The following COL5A3 variants were observed in gnomAD, a reference collection of about 807,000 sequenced individuals.
COL5A3 encodes the protein collagen alpha-3(V) chain.
A neutral mutation model predicts 250.0 loss-of-function variants in COL5A3; 172 were observed. The ratio of observed to expected loss-of-function variants is 0.69; its 90% CI spans 0.61 to 0.78. The LOEUF (loss-of-function observed/expected upper bound fraction) is 0.78. COL5A3 is among the 30% of genes least tolerant of loss of function. COL5A3 has a pLI of 0.00. For synonymous variants in COL5A3, 937 were observed against 900.4 expected (o/e 1.04, Z -0.73); for missense variants, 2,340 against 2,334.4 (o/e 1.00, Z -0.05).
chr19:9,964,719 AG>A (rs2086714012), intron 64 of COL5A3, among the ~76,000 whole-genome samples: 1 of 151,898 alleles, frequency 6.6e-6, no homozygotes, highest in Non-Finnish European at 1.5e-5. Flanking sequence ...ACATGTAGTC[AG>A]GGTTTAGTAA....
rs774250010 is a variant in COL5A3, at chr19:9,970,631, G to T, written c.3927C>A (p.Pro1309=). Reference sequence around the variant, plus strand: ...GTGGCTTATCACTTACCCTCTTGCCGGGGGGCCCGGGGGCGCCGGGCTCCC... The same window carrying T: ...GTGGCTTATCACTTACCCTCTTGCCTGGGGGCCCGGGGGCGCCGGGCTCCC... ...ASGEPGAPGP[P]GKRGPSGHMG... is the part of the protein sequence containing the mutation. Residue 1309 remains proline, a synonymous_variant, in exon 54 of 67, where the codon CCC becomes CCA. Transcript: ENST00000264828. The T allele has an allele frequency of 6.9e-7, 1 of 1,444,282 alleles. No individual in the cohort carries two copies. The highest frequency in any genetic ancestry group is 2.6e-5 in the East Asian group (1 of 38,064). 89.5% of individuals were successfully genotyped at this position (1,444,282 alleles called of 1,614,324 possible). A position where few individuals can be genotyped will look rare whatever the true frequency, so the allele number is the denominator to read the frequency against.
intron 27 of COL5A3, among the ~76,000 whole-genome samples, chr19:9,987,275 C>T (rs987158080): frequency 6.6e-6 from 1 of 152,190 alleles, no homozygotes. Flanking sequence ...GGATACAATA[C>T]AGCCCATGTG....
chr19:10,008,581 C>T (rs975970117), intron 1 of COL5A3, among the ~76,000 whole-genome samples: 2 of 151,996 alleles, frequency 1.3e-5, no homozygotes, highest in African/African-American at 4.8e-5. Context: ...TGGCTGGGAA[C>T]CCCCCAGGTG....
chr19:9,974,195 C>T lies in COL5A3; in HGVS notation c.3480G>A (p.Gly1160=). ...QGLPGPPGEK[G]EVGDVGSMGP... ...CCATGGACCCGACGTCTCCGACCTC[C>T]CCTTTCTCTCCCGGAGGGCCTGGCA... Residue 1160 remains glycine, a synonymous_variant, in exon 47 of 67, where the codon GGG becomes GGA. Transcript: ENST00000264828. 2 of 1,614,056 alleles carry T rather than the reference C, an allele frequency of 1.2e-6. No homozygotes were observed. Among genetic ancestry groups the T allele is most frequent in the South Asian group, 1.1e-5 (1 of 91,054 alleles).
chr19:9,960,846 C>G lies in COL5A3; in HGVS notation c.4896G>C (p.Gln1632His). 1 of 1,611,602 alleles carries G rather than the reference C, an allele frequency of 6.2e-7. No homozygotes were observed. The highest frequency in any genetic ancestry group is 8.5e-7 in the Non-Finnish European group (1 of 1,180,012). The change falls in exon 66 of 67, where the codon CAG becomes CAC. Residue 1632 changes from glutamine (Q) to histidine (H), a missense_variant. By Grantham distance (24) the Gln-to-His change is conservative (BLOSUM62 0). Coordinates refer to ENST00000264828, the MANE Select transcript of COL5A3 (RefSeq NM_015719.4). ...DADGSPVNVV[Q>H]LNFLKLLSAT... is the part of the protein sequence containing the mutation. Reference sequence around the variant, plus strand: ...CACTCAGCAGTTTCAGGAAGTTCAGCTGCACGACATTCACTGGGGACCCGT... The same window carrying G: ...CACTCAGCAGTTTCAGGAAGTTCAGGTGCACGACATTCACTGGGGACCCGT...
intron 8 of COL5A3, among the ~76,000 whole-genome samples, chr19:9,999,991 C>T (rs1198063275): frequency 2.0e-5 from 3 of 152,214 alleles, no homozygotes; most frequent in Admixed American, 2.0e-4. Context: ...CTCTTGGGCT[C>T]AGGTGATCTT....
At position 9,967,353 on chromosome 19, in the gene COL5A3, G is replaced by T; in HGVS notation, c.4452C>A (p.Gly1484=). The change falls in exon 62 of 67, where the codon GGC becomes GGA. Residue 1484 remains glycine (G), a synonymous_variant. Transcript: ENST00000264828. The part of the protein sequence containing the change: ...RGDTGPAGPP[G]PPGAPAELHG... ...CGCCCCCCGGGGAACTCACCGGGGG[G>T]CCTGGTGGGCCTGCAGGTCCAGTGT... 1 of 1,443,136 alleles carries T rather than the reference G, an allele frequency of 6.9e-7. No homozygotes were observed. Among genetic ancestry groups the T allele is most frequent in the Non-Finnish European group, 9.1e-7 (1 of 1,104,006 alleles). The allele number at this position is 1,443,136 out of a possible 1,614,324, so 89.4% of individuals were successfully genotyped here. A position where few individuals can be genotyped will look rare whatever the true frequency, so the allele number is the denominator to read the frequency against.
rs767677757 is a variant in COL5A3 at position 10,006,026 on chromosome 19, C to T, written c.248-41G>A. On this transcript the variant is annotated intron_variant, in intron 2 of 66. Coordinates refer to ENST00000264828, the MANE Select transcript of COL5A3 (RefSeq NM_015719.4). ...GAACAAGGCAGCTCAGAGGGCCCAG[C>T]AGTGCCTCCCTCCGGGGAGGTACCC... is the stretch of plus-strand genomic sequence containing the variant. 5.6e-6 allele frequency: 9 copies of T among 1,610,952 alleles called. No individual in the cohort carries two copies. The South Asian group carries it at 7.7e-5, about 14-fold the overall frequency.
At chr19:9,987,517 G>T (rs895906161) in intron 27 of COL5A3, among the ~76,000 whole-genome samples, 13 of 152,008 alleles carry the variant, frequency 8.6e-5, no homozygotes, top group African/African-American at 2.9e-4. Context: ...CTGGAGGATT[G>T]CTTGAGCCCA....
chr19:9,977,338 G>T (rs1432236187), intron 43 of COL5A3, 27 bp downstream of exon 43: 1 of 1,612,130 alleles, frequency 6.2e-7, no homozygotes, highest in Admixed American at 1.7e-5. Context: ...TCCTCCCCTG[G>T]ACCCTTCCTC....
intron 65 of COL5A3, 98 bp downstream of exon 65, chr19:9,962,721 A>G (rs2145045243): frequency 1.2e-6 from 1 of 866,732 alleles, no homozygotes; most frequent in Non-Finnish European, 1.8e-6. Context: ...AGGAAAGCCT[A>G]TCCTCTTCAT....
At position 9,977,297 on chromosome 19, in the gene COL5A3, G is replaced by C. The variant is rs370551567; in HGVS notation, c.3235-15C>G. 22 of 1,613,888 alleles carry C rather than the reference G, an allele frequency of 1.4e-5. No individual in the cohort carries two copies. Among genetic ancestry groups the C allele is most frequent in the Non-Finnish European group, 1.6e-5 (19 of 1,179,938 alleles). On this transcript the variant is annotated splice_polypyrimidine_tract_variant and intron_variant, in intron 43 of 66. Transcript: ENST00000264828. ...CCCACATCCCCCTGCAGAGGAAATGGGATGAAGGACCCAGCTTCCATTCAC... is the reference window on the plus strand; with the variant it reads ...CCCACATCCCCCTGCAGAGGAAATGCGATGAAGGACCCAGCTTCCATTCAC...
chr19:9,993,633 C>T lies in COL5A3; in HGVS notation c.1681G>A (p.Glu561Lys). The T allele has an allele frequency of 6.2e-7, 1 of 1,614,112 alleles. No homozygotes were observed. The highest frequency in any genetic ancestry group is 8.5e-7 in the Non-Finnish European group (1 of 1,180,016). The part of the protein sequence containing the change: ...GFDGLPGLPG[E>K]KGQRGDFGHV... ...CACACACTCACCCTTTGGCCCTTCTCACCAGGCAGCCCAGGGAGGCCATCG... is the reference window on the plus strand; with the variant it reads ...CACACACTCACCCTTTGGCCCTTCTTACCAGGCAGCCCAGGGAGGCCATCG... Residue 561 changes from glutamate (E) to lysine (K), a missense_variant, in exon 18 of 67, where the codon GAG becomes AAG. This residue lies in a region of COL5A3 where 1,152 missense variants were observed against 1,146.3 expected (regional missense o/e 1.00). Transcript: ENST00000264828.
Position 9,986,399 on chromosome 19 carries a change from G to A in COL5A3, c.2268C>T (p.Pro756=), listed in dbSNP as rs951167021. 3 of 1,612,120 alleles carry A rather than the reference G, an allele frequency of 1.9e-6. No homozygotes were observed. Among genetic ancestry groups the A allele is most frequent in the Admixed American group, 3.3e-5 (2 of 59,986 alleles). The change falls in exon 30 of 67, where the codon CCC becomes CCT. Residue 756 remains proline (P), a synonymous_variant. Coordinates refer to ENST00000264828, the MANE Select transcript of COL5A3 (RefSeq NM_015719.4). ...GCCCCTCAGGACCATCCTCTCCCCG[G>A]GGACCTGGAGCTCCGGGTTTCCCCT... ...GDQGKPGAPG[P]RGEDGPEGPK... is the part of the protein sequence containing the mutation.
chr19:9,971,726 C>T (rs2086850415), intron 51 of COL5A3, among the ~76,000 whole-genome samples: 1 of 152,188 alleles, frequency 6.6e-6, no homozygotes, highest in Non-Finnish European at 1.5e-5. Context: ...CAACCTTCAC[C>T]TCAAAGCCAA....
At chr19:9,998,874 CA>C (rs1435953458) in intron 8 of COL5A3, among the ~76,000 whole-genome samples, 7 of 151,616 alleles carry the variant, frequency 4.6e-5, no homozygotes, top group African/African-American at 1.7e-4. Flanking sequence ...TAGTAGAGAC[CA>C]GGTTTCACCA....
At chr19:9,990,522 C>T (rs1012950176) in intron 24 of COL5A3, among the ~76,000 whole-genome samples, 6 of 151,972 alleles carry the variant, frequency 3.9e-5, no homozygotes, top group African/African-American at 1.2e-4. Flanking sequence ...TCATGTACTC[C>T]ATAAGTATAT....
intron 4 of COL5A3, among the ~76,000 whole-genome samples, chr19:10,005,035 CACA>C (rs2087421849): frequency 6.6e-6 from 1 of 151,686 alleles, no homozygotes; most frequent in South Asian, 2.1e-4. Context: ...TGGATCTTCC[CACA>C]ACAAGCCAAG....
Position 9,968,817 on chromosome 19 carries a change from A to G in COL5A3, c.4153-89T>C. 1.7e-6 allele frequency: 2 copies of G among 1,156,418 alleles called. No homozygotes were observed. Among genetic ancestry groups the G allele is most frequent in the Non-Finnish European group, 2.5e-6 (2 of 796,642 alleles). 71.6% of individuals were successfully genotyped at this position (1,156,418 alleles called of 1,614,324 possible). ...TTAGGGGATGGTCAAATGGGAAATT[A>G]TGCAGATTTCAAATGGGAATTACCA... On this transcript the variant is annotated intron_variant, in intron 57 of 66. Transcript: ENST00000264828. The surrounding 1 kb of genome is among the most constrained non-coding windows in gnomAD (Gnocchi z 4.1).
Sources: allele counts gnomAD v4.1 joint callset (sites outside exome capture counted in the v4.1 genomes callset), GRCh38; gene constraint gnomAD v4.1.1; regional missense constraint gnomAD v4.1.1; non-coding constraint Gnocchi (gnomAD v3.1); transcripts MANE v1.5; gene names NCBI Gene and HGNC (gene_info 2026-07-23, HGNC 2026-07-21).